The following CDC42SE2 variants were observed in gnomAD, a reference collection of about 807,000 sequenced individuals.
The protein encoded by CDC42SE2 is CDC42 small effector protein 2.
A neutral mutation model predicts 11.5 loss-of-function variants in CDC42SE2; 3 were observed. The ratio of observed to expected loss-of-function variants is 0.26; its 90% confidence interval spans 0.12 to 0.67. The LOEUF is 0.67. CDC42SE2 is among the 30% of genes least tolerant of loss of function. CDC42SE2 has a pLI of 0.80. For missense variants in CDC42SE2, 82 were observed against 106.8 expected, an observed-to-expected ratio of 0.77 and a Z score of 1.02; for synonymous variants, 33 against 34.8, an observed-to-expected ratio of 0.95 and a Z score of 0.18.
At chr5:131,372,531 G>C (rs1439011489) in intron 3 of CDC42SE2, among the ~76,000 whole-genome samples, 1 of 152,022 alleles carries the variant, frequency 6.6e-6, no homozygotes, top group African/African-American at 2.4e-5. Context: ...GGCTAACACA[G>C]TGAAACCCCG....
chr5:131,245,274 C>A (rs1268972010), upstream of CDC42SE2, among the ~76,000 whole-genome samples: 1 of 152,066 alleles, frequency 6.6e-6, no homozygotes, highest in Non-Finnish European at 1.5e-5. Context: ...CTGTGCTGTG[C>A]CTACTGTTCT....
chr5:131,272,992 C>A (rs1299224927), intron 1 of CDC42SE2, among the ~76,000 whole-genome samples: 1 of 152,014 alleles, frequency 6.6e-6, no homozygotes, highest in African/African-American at 2.4e-5. Context: ...TTTTCAGTTT[C>A]TTTTGTTGGT....
chr5:131,306,469 G>T (rs775266494), intron 1 of CDC42SE2, among the ~76,000 whole-genome samples: 4 of 152,084 alleles, frequency 2.6e-5, no homozygotes, highest in Admixed American at 6.6e-5. Context: ...CCGTTTTTAT[G>T]CCAGTATGTT....
chr5:131,373,775 C>T (rs920410062), intron 3 of CDC42SE2, among the ~76,000 whole-genome samples: 1 of 151,982 alleles, frequency 6.6e-6, no homozygotes, highest in African/African-American at 2.4e-5. Context: ...ATTCACTAAA[C>T]AAGAACAACA....
chr5:131,320,814 A>T (rs1271005270), intron 2 of CDC42SE2, among the ~76,000 whole-genome samples: 1 of 152,194 alleles, frequency 6.6e-6, no homozygotes, highest in Admixed American at 6.5e-5. Context: ...GGTACAGAAT[A>T]AAAAGAGTCC....
intron 1 of CDC42SE2, among the ~76,000 whole-genome samples, chr5:131,278,276 G>A (rs574447888): frequency 5.3e-5 from 8 of 152,242 alleles, no homozygotes; most frequent in South Asian, 4.2e-4. Flanking sequence ...GTGCCACTGC[G>A]CCTGGCCTAT....
At chr5:131,264,962 T>C (rs1756825871) in intron 1 of CDC42SE2, among the ~76,000 whole-genome samples, 1 of 152,192 alleles carries the variant, frequency 6.6e-6, no homozygotes, top group Admixed American at 6.5e-5. Context: ...AAAATCTAAA[T>C]GTTTCGTTGA....
At chr5:131,311,919 C>T (rs866908671) in intron 1 of CDC42SE2, among the ~76,000 whole-genome samples, 12 of 152,246 alleles carry the variant, frequency 7.9e-5, no homozygotes, top group Non-Finnish European at 1.5e-4. Flanking sequence ...GTAATTTGAT[C>T]GTCTGAAGCC....
At chr5:131,297,594 C>A (rs1221104472) in intron 1 of CDC42SE2, among the ~76,000 whole-genome samples, 1 of 151,932 alleles carries the variant, frequency 6.6e-6, no homozygotes, top group Non-Finnish European at 1.5e-5. Context: ...GTGGCGGGTG[C>A]CTGTAGTCCC....
chr5:131,265,193 A>G (rs765547432), intron 1 of CDC42SE2, among the ~76,000 whole-genome samples: 9 of 152,174 alleles, frequency 5.9e-5, no homozygotes, highest in Non-Finnish European at 8.8e-5. Flanking sequence ...CTTACTCTCA[A>G]TATTATGAAC....
the CDC42SE2 span, among the ~76,000 whole-genome samples, chr5:131,229,187 G>A: frequency 2.9e-4 from 44 of 151,518 alleles, no homozygotes; most frequent in East Asian, 7.3e-3. Flanking sequence ...GTGTGTGTAT[G>A]TGTGTTTTTA....
At chr5:131,307,210 TC>T (rs1320078676) in intron 1 of CDC42SE2, among the ~76,000 whole-genome samples, 1 of 85,114 alleles carries the variant, frequency 1.2e-5, no homozygotes, top group Admixed American at 1.6e-4. Context: ...GTGCTATCCC[TC>T]CCCCCTCCCC....
intron 3 of CDC42SE2, among the ~76,000 whole-genome samples, chr5:131,385,037 C>T (rs758149645): frequency 7.2e-5 from 11 of 152,014 alleles, no homozygotes; most frequent in Non-Finnish European, 1.5e-4. Flanking sequence ...AATCTGTCAC[C>T]CTCTCACCCT....
intron 2 of CDC42SE2, among the ~76,000 whole-genome samples, chr5:131,332,418 C>T (rs1758440649): frequency 6.6e-6 from 1 of 152,160 alleles, no homozygotes; most frequent in African/African-American, 2.4e-5. Flanking sequence ...AATAGTGCCA[C>T]AATAAACATA....
intron 1 of CDC42SE2, among the ~76,000 whole-genome samples, chr5:131,311,790 C>T (rs1757921852): frequency 6.6e-6 from 1 of 152,138 alleles, no homozygotes; most frequent in Non-Finnish European, 1.5e-5. Flanking sequence ...GTTTTCAGCT[C>T]CATCAGCTCC....
At chr5:131,310,502 T>A (rs1313717317) in intron 1 of CDC42SE2, among the ~76,000 whole-genome samples, 3 of 152,022 alleles carry the variant, frequency 2.0e-5, no homozygotes, top group Non-Finnish European at 4.4e-5. Flanking sequence ...TGGATATCCT[T>A]GTTGACTTTC....
At chr5:131,329,175 A>G (rs1364031411) in intron 2 of CDC42SE2, among the ~76,000 whole-genome samples, 2 of 152,218 alleles carry the variant, frequency 1.3e-5, no homozygotes, top group Non-Finnish European at 2.9e-5. Context: ...TCTGTGGCTA[A>G]GGGGCAATCA....
intron 3 of CDC42SE2, among the ~76,000 whole-genome samples, chr5:131,371,984 T>TC (rs1391913484): frequency 1.3e-5 from 2 of 152,156 alleles, no homozygotes; most frequent in South Asian, 2.1e-4. Context: ...TTTATTCGTT[T>TC]CCCCCCCTTA....
the CDC42SE2 span, among the ~76,000 whole-genome samples, chr5:131,238,155 G>C: frequency 2.6e-5 from 4 of 151,216 alleles, no homozygotes; most frequent in Non-Finnish European, 4.4e-5. Context: ...TGAGGGCAAG[G>C]GGAGGGAGAG....
Sources: allele counts gnomAD v4.1 joint callset (sites outside exome capture counted in the v4.1 genomes callset), GRCh38; gene constraint gnomAD v4.1.1; transcripts MANE v1.5; gene names NCBI Gene and HGNC (gene_info 2026-07-23, HGNC 2026-07-21).